The following MTO1 variants were observed in gnomAD, a reference collection of about 807,000 sequenced individuals.
MTO1 encodes the protein mitochondrial tRNA translation optimization 1, also known as 5-taurinomethyluridine-[tRNA] synthase subunit MTO1, mitochondrial.
Under a neutral mutation model 71.6 loss-of-function variants are expected in MTO1, and 46 were observed. That is an observed-to-expected ratio of 0.64 (90% CI 0.51 to 0.82). The LOEUF is 0.82. MTO1 is among the 40% of genes least tolerant of loss of function. The probability of loss-of-function intolerance (pLI) is 0.00; values close to 1 mark genes in which losing one functional copy is unlikely to be tolerated. For synonymous variants in MTO1, 297 were observed against 312.1 expected, an observed-to-expected ratio of 0.95 and a Z score of 0.51; for missense variants, 773 against 867.5, an observed-to-expected ratio of 0.89 and a Z score of 1.37.
At chr6:73,482,784 TCTTTC>T (rs1771543503) in intron 9 of MTO1, among the ~76,000 whole-genome samples, 164 bp downstream of exon 9, 1 of 117,750 alleles carries the variant, frequency 8.5e-6, no homozygotes, top group African/African-American at 3.0e-5. Context: ...TCATCTTTTT[TCTTTC>T]TTTTTTTTTT....
intron 11 of MTO1, 82 bp downstream of exon 11, chr6:73,497,978 G>A: frequency 8.4e-7 from 1 of 1,195,962 alleles, no homozygotes; most frequent in Admixed American, 2.4e-5. Flanking sequence ...GGTTATAATG[G>A]CCATATAACT....
chr6:73,477,951 CGA>C (rs1440581748), intron 4 of MTO1, among the ~76,000 whole-genome samples: 8 of 151,978 alleles, frequency 5.3e-5, no homozygotes, highest in Non-Finnish European at 8.8e-5. Context: ...ACCTATCTCT[CGA>C]GTTTTAAAAA....
intron 9 of MTO1, among the ~76,000 whole-genome samples, chr6:73,491,468 G>T (rs894138274): frequency 2.6e-5 from 4 of 151,648 alleles, no homozygotes; most frequent in African/African-American, 7.3e-5. Context: ...AGTTTGTTTT[G>T]CAGAGACTTA....
intron 4 of MTO1, among the ~76,000 whole-genome samples, chr6:73,475,049 CT>C (rs1369086623): frequency 2.0e-5 from 3 of 152,130 alleles, no homozygotes; most frequent in African/African-American, 7.2e-5. Context: ...GCCACCGTGC[CT>C]GGCAAATCTT....
intron 10 of MTO1, among the ~76,000 whole-genome samples, chr6:73,494,479 CTT>C (rs757447983): frequency 2.8e-4 from 38 of 136,152 alleles, no homozygotes; most frequent in Admixed American, 7.4e-4. Flanking sequence ...CTTTTTTTTT[CTT>C]TTTTTTTTTT....
At chr6:73,481,876 T>C (rs950666524) in intron 7 of MTO1, among the ~76,000 whole-genome samples, 164 bp from the exon 8 acceptor site, 1 of 152,182 alleles carries the variant, frequency 6.6e-6, no homozygotes, top group Non-Finnish European at 1.5e-5. Context: ...ATTACCCATA[T>C]TCTATTTCTG....
intron 10 of MTO1, among the ~76,000 whole-genome samples, chr6:73,496,504 T>C (rs1054909271): frequency 6.6e-6 from 1 of 151,742 alleles, no homozygotes; most frequent in Non-Finnish European, 1.5e-5. Context: ...ATTATTATAC[T>C]TTAAATTTTA....
intron 9 of MTO1, among the ~76,000 whole-genome samples, 169 bp downstream of exon 9, chr6:73,482,789 CTTTTTTTTTTT>C (rs35121302): frequency 8.7e-5 from 8 of 92,148 alleles, no homozygotes; most frequent in African/African-American, 3.0e-4. Flanking sequence ...TTTTTTCTTT[CTTTTTTTTTTT>C]TTTTTTTTTT....
intron 4 of MTO1, among the ~76,000 whole-genome samples, chr6:73,475,012 C>T (rs1023479073): frequency 6.6e-6 from 1 of 152,180 alleles, no homozygotes; most frequent in African/African-American, 2.4e-5. Flanking sequence ...TCCTCAGCCT[C>T]CCAAAGTGCT....
At chr6:73,475,976 T>C (rs1771303868) in intron 4 of MTO1, among the ~76,000 whole-genome samples, 1 of 152,192 alleles carries the variant, frequency 6.6e-6, no homozygotes, top group South Asian at 2.1e-4. Context: ...TGCATTTTTA[T>C]GGAGAACCCG....
chr6:73,494,479 C>CTTT (rs757447983), intron 10 of MTO1, among the ~76,000 whole-genome samples: 2 of 136,190 alleles, frequency 1.5e-5, no homozygotes, highest in Non-Finnish European at 1.6e-5. Context: ...CTTTTTTTTT[C>CTTT]TTTTTTTTTT....
chr6:73,475,378 G>A (rs1771283266), intron 4 of MTO1, among the ~76,000 whole-genome samples: 1 of 151,970 alleles, frequency 6.6e-6, no homozygotes, highest in South Asian at 2.1e-4. Context: ...CGCCCCCTGG[G>A]TTCAAGCAAT....
rs1215401137 is a variant in MTO1 at position 73,503,990 on chromosome 6, TCAGGAAAGCCAC to T, written c.*3259_*3270del. ...TGTCCAGAAGAAGTGGTCAGGAGTA[TCAGGAAAGCCAC>T]CAGCAGAGACTAGGGGTTTATTCTG... is the stretch of plus-strand genomic sequence containing the variant. On this transcript the variant is annotated 3_prime_UTR_variant, in exon 12 of 12. Transcript: ENST00000498286. 1 of 152,130 alleles carries T rather than the reference TCAGGAAAGCCAC, an allele frequency of 6.6e-6. No individual in the cohort carries two copies. Among genetic ancestry groups the T allele is most frequent in the Admixed American group, 6.6e-5 (1 of 15,254 alleles). 9.4% of individuals were successfully genotyped at this position (152,130 alleles called of 1,614,324 possible). A position where few individuals can be genotyped will look rare whatever the true frequency, so the allele number is the denominator to read the frequency against.
chr6:73,503,790 G>A lies in MTO1; in HGVS notation c.*3055G>A, dbSNP rs183200172. ...ACTGGGGGAGGAAGGATGAAGATACGAACCTATGCTAAATTAAACGATTAT... is the reference window on the plus strand; with the variant it reads ...ACTGGGGGAGGAAGGATGAAGATACAAACCTATGCTAAATTAAACGATTAT... On this transcript the variant is annotated 3_prime_UTR_variant, in exon 12 of 12. Coordinates refer to ENST00000498286, the MANE Select transcript of MTO1 (RefSeq NM_012123.4). 21 of 152,320 alleles carry A rather than the reference G, an allele frequency of 1.4e-4. No homozygotes were observed. Among genetic ancestry groups the A allele is most frequent in the African/African-American group, 4.6e-4 (19 of 41,572 alleles). The allele number at this position is 152,320 out of a possible 1,614,324, so 9.4% of individuals were successfully genotyped here. A position where few individuals can be genotyped will look rare whatever the true frequency, so the allele number is the denominator to read the frequency against.
At chr6:73,462,323 G>A (rs897408988) in intron 1 of MTO1, 3 of 556,456 alleles carry the variant, frequency 5.4e-6, no homozygotes, top group African/African-American at 3.8e-5. Flanking sequence ...GGGGTTCGGG[G>A]TCAGTGCCTT....
chr6:73,473,362 T>C lies in MTO1; in HGVS notation c.536-3T>C, dbSNP rs1771207554. The C allele has an allele frequency of 6.3e-7, 1 of 1,597,998 alleles. No individual in the cohort carries two copies. Among genetic ancestry groups the C allele is most frequent in the African/African-American group, 1.3e-5 (1 of 74,264 alleles). ...GACTTTATTCTTTTTTCTTGTTATT[T>C]AGTGGATGGAAGCACAGTATATGCA... On this transcript the variant is annotated splice_region_variant and splice_polypyrimidine_tract_variant and intron_variant, in intron 3 of 11. Transcript: ENST00000498286.
intron 4 of MTO1, among the ~76,000 whole-genome samples, chr6:73,474,637 G>A (rs1336569699): frequency 1.3e-5 from 2 of 149,218 alleles, no homozygotes; most frequent in Non-Finnish European, 3.0e-5. Context: ...TTGTAGAGAC[G>A]GGGTTTCACC....
chr6:73,473,400 C>G lies in MTO1; in HGVS notation c.571C>G (p.Leu191Val). 1 of 1,614,024 alleles carries G rather than the reference C, an allele frequency of 6.2e-7. No homozygotes were observed. The change falls in exon 4 of 12, where the codon CTG (leucine) becomes GTG (valine). Residue 191 changes from leucine (L) to valine (V), a missense_variant. Leu to Val is a conservative substitution (Grantham distance 32, BLOSUM62 1). Transcript: ENST00000498286. ...GSTVYAESVI[L>V]TTGTFLRGMI... ...CACAGTATATGCAGAGAGTGTGATT[C>G]TGACTACTGGGACATTTCTGAGAGG...
chr6:73,461,767 C>G lies in MTO1; in HGVS notation c.-88C>G, dbSNP rs1303934194. The G allele has an allele frequency of 7.1e-7, 1 of 1,406,208 alleles. No individual in the cohort carries two copies. Among genetic ancestry groups the G allele is most frequent in the Non-Finnish European group, 9.8e-7 (1 of 1,017,866 alleles). The allele number at this position is 1,406,208 out of a possible 1,614,324, so 87.1% of individuals were successfully genotyped here. A position where few individuals can be genotyped will look rare whatever the true frequency, so the allele number is the denominator to read the frequency against. ...ACCCCGTGATATTAAAGCAAGATGG[C>G]CGCGCCCTGCAGATTGTCTCTTGTT... On this transcript the variant is annotated 5_prime_UTR_variant, in exon 1 of 12. Transcript: ENST00000498286.
Sources: gnomAD v4.1 joint callset for allele counts (sites outside exome capture counted in the v4.1 genomes callset) on GRCh38, gnomAD v4.1.1 for gene constraint, MANE v1.5 for transcripts, NCBI Gene and HGNC (gene_info 2026-07-23, HGNC 2026-07-21) for gene names.